Variants in ARPP21 observed in about 807,000 individuals in gnomAD.
ARPP21 encodes cAMP-regulated phosphoprotein 21.
In ARPP21, 69 loss-of-function variants were observed where a neutral mutation model predicts 113.2. The ratio of observed to expected loss-of-function variants is 0.61; its 90% CI spans 0.50 to 0.74. ARPP21 has a LOEUF of 0.74. Ranked by LOEUF, ARPP21 falls within the 30% of genes least tolerant of loss-of-function variation. The pLI is 0.00. For missense variants in ARPP21, 1,070 were observed against 1,037.4 expected (o/e 1.03, Z -0.43); for synonymous variants, 368 against 375.5 (o/e 0.98, Z 0.23).
chr3:35,674,291 T>C (rs189157081), intron 1 of ARPP21, among the ~76,000 whole-genome samples: 4 of 152,060 alleles, frequency 2.6e-5, no homozygotes, highest in Middle Eastern at 3.4e-3. Flanking sequence ...CTCACTGAGA[T>C]TAAGAACATT....
At chr3:35,760,670 AC>A (rs1335042174) in intron 19 of ARPP21, among the ~76,000 whole-genome samples, 1 of 152,060 alleles carries the variant, frequency 6.6e-6, no homozygotes. Flanking sequence ...CCAAACTGAA[AC>A]TTTAAAGATT....
chr3:35,743,763 G>A (rs537041301), intron 18 of ARPP21, 76 bp from the exon 19 acceptor site: 57 of 1,501,254 alleles, frequency 3.8e-5, no homozygotes, highest in South Asian at 2.1e-4. Flanking sequence ...ATTATAAGAC[G>A]AAAGCATATT....
At chr3:35,681,956 G>A in intron 3 of ARPP21, 76 bp downstream of exon 3, 2 of 1,450,072 alleles carry the variant, frequency 1.4e-6, no homozygotes, top group Non-Finnish European at 1.9e-6. Context: ...GAATACTTTA[G>A]AGATTTATTT....
chr3:35,740,304 A>G (rs10048961), intron 18 of ARPP21, among the ~76,000 whole-genome samples: 4,099 of 152,326 alleles, frequency 0.027, 197 homozygotes, highest in African/African-American at 0.09. Context: ...TATAAAATGC[A>G]CAGAGGCATT....
chr3:35,739,242 G>C, intron 17 of ARPP21, 75 bp from the exon 18 acceptor site: 8 of 1,528,980 alleles, frequency 5.2e-6, no homozygotes, highest in Non-Finnish European at 7.1e-6. Context: ...AATGTGTCCT[G>C]TGTCTGCCTC....
chr3:35,747,978 G>T (rs7629898), intron 19 of ARPP21, among the ~76,000 whole-genome samples: 1 of 128,850 alleles, frequency 7.8e-6, no homozygotes, highest in Non-Finnish European at 1.7e-5. Flanking sequence ...AGAGAGAGAG[G>T]GAGGGAAGGA....
At chr3:35,692,584 A>G (rs1385119549) in intron 9 of ARPP21, among the ~76,000 whole-genome samples, 1 of 151,662 alleles carries the variant, frequency 6.6e-6, no homozygotes, top group Non-Finnish European at 1.5e-5. Context: ...TGGACAGTAG[A>G]TTTATTTTTA....
rs1265071718 is a variant in ARPP21, at chr3:35,707,099, G to T, written c.795+17G>T. The T allele has an allele frequency of 6.3e-7, 1 of 1,579,256 alleles. No homozygotes were observed. The highest frequency in any genetic ancestry group is 1.1e-5 in the South Asian group (1 of 89,582). ...GACAATCAGGTTGGTTCTCAAGTTTGAGAGTGGCTGACATTGTTGTTTTTG... is the reference window on the plus strand; with the variant it reads ...GACAATCAGGTTGGTTCTCAAGTTTTAGAGTGGCTGACATTGTTGTTTTTG... On this transcript the variant is annotated intron_variant, in intron 10 of 20. Coordinates refer to ENST00000684406, the MANE Select transcript of ARPP21 (RefSeq NM_001385562.1).
At chr3:35,737,093 CT>C (rs1467277006) in intron 15 of ARPP21, 84 bp from the exon 16 acceptor site, 4 of 797,666 alleles carry the variant, frequency 5.0e-6, no homozygotes, top group Non-Finnish European at 8.3e-6. Context: ...CTTTAGGTTA[CT>C]TTTTGAGTAT....
intron 1 of ARPP21, among the ~76,000 whole-genome samples, chr3:35,659,397 T>C (rs1706594145): frequency 6.6e-6 from 1 of 152,180 alleles, no homozygotes; most frequent in Admixed American, 6.5e-5. Context: ...ATTGAAAAAT[T>C]AATACACCTT....
intron 5 of ARPP21, chr3:35,684,511 G>GC: frequency 2.5e-5 from 25 of 980,766 alleles, no homozygotes; most frequent in Non-Finnish European, 3.0e-5. Context: ...ATTTTTGTTT[G>GC]CCTTTCAGGC....
intron 19 of ARPP21, chr3:35,744,414 T>C: frequency 2.0e-6 from 1 of 492,304 alleles, no homozygotes; most frequent in Non-Finnish European, 4.1e-6. Context: ...TCGGTGGAAC[T>C]CTGACTCCAT....
intron 19 of ARPP21, among the ~76,000 whole-genome samples, chr3:35,786,993 G>A (rs1039421520): frequency 6.6e-6 from 1 of 152,186 alleles, no homozygotes; most frequent in Non-Finnish European, 1.5e-5. Context: ...ATCAATAGAT[G>A]AAGCTAGAAA....
intron 1 of ARPP21, among the ~76,000 whole-genome samples, chr3:35,657,843 G>C (rs1197723356): frequency 6.6e-6 from 1 of 152,054 alleles, no homozygotes; most frequent in Admixed American, 6.6e-5. Context: ...CTTAGAAATA[G>C]CTCTCCCAGA....
At chr3:35,735,253 A>C (rs2094271369) in intron 15 of ARPP21, among the ~76,000 whole-genome samples, 1 of 152,122 alleles carries the variant, frequency 6.6e-6, no homozygotes, top group Non-Finnish European at 1.5e-5. Context: ...GTGGAACCAC[A>C]GGTGTGCACC....
chr3:35,702,011 T>C (rs983547768), intron 9 of ARPP21, among the ~76,000 whole-genome samples: 6 of 151,744 alleles, frequency 4.0e-5, no homozygotes, highest in African/African-American at 1.2e-4. Flanking sequence ...TACTAAGTTG[T>C]TGAATTGGTT....
chr3:35,696,142 A>G (rs1325532193), intron 9 of ARPP21, among the ~76,000 whole-genome samples: 14 of 151,606 alleles, frequency 9.2e-5, no homozygotes. Flanking sequence ...GATACTTTAG[A>G]AAGGTTAGTC....
chr3:35,776,820 G>A (rs1015450096), intron 19 of ARPP21, among the ~76,000 whole-genome samples: 12 of 152,074 alleles, frequency 7.9e-5, no homozygotes, highest in South Asian at 2.1e-4. Flanking sequence ...CCAGGGATGG[G>A]AGTCTGGGCC....
At chr3:35,642,822 C>T (rs1219361748) in intron 1 of ARPP21, among the ~76,000 whole-genome samples, 1 of 151,994 alleles carries the variant, frequency 6.6e-6, no homozygotes, top group Non-Finnish European at 1.5e-5. Flanking sequence ...GAGTCTAGGT[C>T]CAGAATTGTC....
Sources: gnomAD v4.1 joint callset for allele counts (sites outside exome capture counted in the v4.1 genomes callset) on GRCh38, gnomAD v4.1.1 for gene constraint, MANE v1.5 for transcripts, NCBI Gene and HGNC (gene_info 2026-07-23, HGNC 2026-07-21) for gene names.